EML6: variants seen among roughly 807,000 people sequenced by gnomAD.
EML6 encodes EMAP like 6, also known as echinoderm microtubule-associated protein-like 6.
EML6 carries 154 observed loss-of-function variants against 240.1 expected under a neutral mutation model. That is an observed-to-expected ratio of 0.64 (90% CI 0.56 to 0.73). The LOEUF (loss-of-function observed/expected upper bound fraction) is 0.73, where lower values mean the gene tolerates loss of function less well. Among genes scored for constraint, EML6 ranks in the 30% least tolerant of loss-of-function variants. The pLI is 0.00. For synonymous variants in EML6, 1,148 were observed against 899.0 expected, an observed-to-expected ratio of 1.28 and a Z score of -4.95; for missense variants, 2,964 against 2,474.6, an observed-to-expected ratio of 1.20 and a Z score of -4.20.
At chr2:54,902,685 C>T (rs992823751) in intron 22 of EML6, among the ~76,000 whole-genome samples, 1 of 152,034 alleles carries the variant, frequency 6.6e-6, no homozygotes, top group Non-Finnish European at 1.5e-5. Flanking sequence ...AGGCATAAGC[C>T]ACTGCACCTA....
intron 9 of EML6, among the ~76,000 whole-genome samples, chr2:54,848,804 G>A (rs1260299592): frequency 1.3e-5 from 2 of 152,028 alleles, no homozygotes; most frequent in Admixed American, 6.6e-5. Context: ...AAAAGAATCT[G>A]GTCAGAAACA....
At chr2:54,967,213 G>A in intron 39 of EML6, 110 bp downstream of exon 39, 1 of 721,944 alleles carries the variant, frequency 1.4e-6, no homozygotes, top group Non-Finnish European at 2.3e-6. Flanking sequence ...GAGAAATGGA[G>A]CTGTCTTTTC....
chr2:54,857,695 T>G (rs933345218), intron 11 of EML6, among the ~76,000 whole-genome samples: 1 of 152,206 alleles, frequency 6.6e-6, no homozygotes, highest in Non-Finnish European at 1.5e-5. Context: ...TTCATTTGAC[T>G]TAGAACCTGA....
rs552188930 is a variant in EML6, at chr2:54,891,097, C to T, written c.2482C>T (p.His828Tyr). Residue 828 changes from histidine to tyrosine, a missense_variant, in exon 18 of 42, where the codon CAT becomes TAT. By Grantham distance (83) the His-to-Tyr change is moderately conservative. Coordinates refer to ENST00000356458, the MANE Select transcript of EML6 (RefSeq NM_001039753.4). ...ATTTGTGGTAAAGTGTAACCCACACCATGTTGACAAACTGGTTACAGTTGG... is the reference window on the plus strand; with the variant it reads ...ATTTGTGGTAAAGTGTAACCCACACTATGTTGACAAACTGGTTACAGTTGG... ...KIFVVKCNPHHVDKLVTVGIK... is the reference protein window; with the variant it reads ...KIFVVKCNPHYVDKLVTVGIK... 268 of 1,509,026 alleles carry T rather than the reference C, an allele frequency of 1.8e-4. 5 individuals carry two copies. The South Asian group carries it at 3.2e-3, about 18-fold the overall frequency. 93.5% of individuals were successfully genotyped at this position (1,509,026 alleles called of 1,614,324 possible).
chr2:54,936,840 C>T (rs948232741), intron 28 of EML6, among the ~76,000 whole-genome samples: 13 of 152,170 alleles, frequency 8.5e-5, no homozygotes, highest in African/African-American at 3.1e-4. Context: ...ACCTGAGAAG[C>T]TGCATAACTT....
At chr2:54,839,473 G>T (rs753967496) in intron 7 of EML6, among the ~76,000 whole-genome samples, 15 of 152,230 alleles carry the variant, frequency 9.9e-5, no homozygotes, top group South Asian at 2.1e-4. Flanking sequence ...AGTACTTAGG[G>T]AGAGACGCAG....
At chr2:54,825,825 A>T (rs1668564206) in intron 5 of EML6, among the ~76,000 whole-genome samples, 1 of 152,074 alleles carries the variant, frequency 6.6e-6, no homozygotes, top group African/African-American at 2.4e-5. Context: ...TCTAGTACCC[A>T]ACTACTCTGA....
intron 29 of EML6, among the ~76,000 whole-genome samples, chr2:54,949,575 C>T (rs1232512916): frequency 2.6e-5 from 4 of 152,218 alleles, no homozygotes; most frequent in Non-Finnish European, 4.4e-5. Context: ...CCTGACTGTT[C>T]TGCCTGACTT....
At chr2:54,860,750 C>T (rs1371020) in intron 12 of EML6, among the ~76,000 whole-genome samples, 33,784 of 152,046 alleles carry the variant, frequency 0.22, 4,017 homozygotes, top group Non-Finnish European at 0.27. Flanking sequence ...GACTTGTAGG[C>T]ACTTGCAGCG....
At chr2:54,809,811 C>A (rs1667738067) in intron 2 of EML6, among the ~76,000 whole-genome samples, 1 of 152,058 alleles carries the variant, frequency 6.6e-6, no homozygotes, top group East Asian at 1.9e-4. Context: ...GCTTAACGTG[C>A]TTTTGAAATG....
At chr2:54,734,126 G>A (rs1683288292) in intron 2 of EML6, among the ~76,000 whole-genome samples, 2 of 152,150 alleles carry the variant, frequency 1.3e-5, no homozygotes, top group Non-Finnish European at 2.9e-5. Context: ...ATCACCTGAG[G>A]TCAGGAGTTC....
chr2:54,811,585 T>C (rs1223684027), intron 2 of EML6, among the ~76,000 whole-genome samples: 3 of 146,960 alleles, frequency 2.0e-5, no homozygotes, highest in African/African-American at 7.3e-5. Flanking sequence ...AGCAGTGTGA[T>C]TTCTGTTTAT....
At chr2:54,820,963 C>T (rs1372440287) in intron 5 of EML6, among the ~76,000 whole-genome samples, 7 of 152,158 alleles carry the variant, frequency 4.6e-5, no homozygotes. Flanking sequence ...AGACTACACT[C>T]TCATCTGGGT....
intron 28 of EML6, among the ~76,000 whole-genome samples, chr2:54,930,382 G>C (rs891740356): frequency 6.6e-6 from 1 of 152,122 alleles, no homozygotes; most frequent in Non-Finnish European, 1.5e-5. Context: ...CTTAATGAAA[G>C]GTAGGAGGAC....
intron 21 of EML6, among the ~76,000 whole-genome samples, chr2:54,898,793 G>A (rs562903110): frequency 6.6e-5 from 10 of 152,282 alleles, no homozygotes; most frequent in African/African-American, 2.4e-4. Context: ...TCAGTAAACA[G>A]TTAATCTGGT....
chr2:54,763,803 G>C (rs1351727135), intron 2 of EML6, among the ~76,000 whole-genome samples: 1 of 152,176 alleles, frequency 6.6e-6, no homozygotes, highest in Admixed American at 6.5e-5. Flanking sequence ...GTTTGGAAAG[G>C]CTCTGGTGCT....
intron 40 of EML6, 146 bp downstream of exon 40, chr2:54,968,427 C>T: frequency 1.2e-6 from 1 of 837,710 alleles, no homozygotes; most frequent in Non-Finnish European, 1.9e-6. Context: ...TTTTCACCTC[C>T]TGGAGGGGCA....
rs113869255 is a variant in EML6 at position 54,815,036 on chromosome 2, G to C, written c.357+1645G>C. 3.7e-4 allele frequency among the ~76,000 whole-genome samples: 56 copies of C among 152,286 alleles called. 1 individual carries two copies. The highest frequency in any genetic ancestry group is 1.2e-3 in the African/African-American group (49 of 41,560). ...TAAATGTATGCTTATGTCTGTACTG[G>C]TATGCACCTTCTCTAATCGGATTTT... On this transcript the variant is annotated intron_variant, in intron 3 of 41. Transcript: ENST00000356458.
chr2:54,791,637 GTTC>G (rs1333305870), intron 2 of EML6, among the ~76,000 whole-genome samples: 1 of 152,078 alleles, frequency 6.6e-6, no homozygotes, highest in Non-Finnish European at 1.5e-5. Context: ...TATCCCTTTT[GTTC>G]TTCTCTCCAT....
Sources: allele counts gnomAD v4.1 joint callset (sites outside exome capture counted in the v4.1 genomes callset), GRCh38; gene constraint gnomAD v4.1.1; transcripts MANE v1.5; gene names NCBI Gene and HGNC (gene_info 2026-07-23, HGNC 2026-07-21).